The following CHRNB4 variants were observed in gnomAD, a reference collection of about 807,000 sequenced individuals.
The protein encoded by CHRNB4 is neuronal acetylcholine receptor subunit beta-4.
Under a neutral mutation model 40.4 loss-of-function variants are expected in CHRNB4, and 23 were observed. The ratio of observed to expected loss-of-function variants is 0.57; its 90% CI spans 0.41 to 0.81. The LOEUF is 0.81. Among genes scored for constraint, CHRNB4 ranks in the 30% least tolerant of loss-of-function variants. The pLI, the probability that CHRNB4 is intolerant of heterozygous loss-of-function variation, is 0.00. For synonymous variants in CHRNB4, 285 were observed against 274.4 expected (o/e 1.04, Z -0.38); for missense variants, 568 against 670.6 (o/e 0.85, Z 1.69).
chr15:78,625,412 AG>A (rs1387064685), intron 5 of CHRNB4, 121 bp from the exon 6 acceptor site: 7 of 911,420 alleles, frequency 7.7e-6, no homozygotes, highest in African/African-American at 1.7e-5. Context: ...ACTGCATACT[AG>A]GGGGGCAAGT....
At chr15:78,648,753 C>T (rs1470295450) in intron 7 of CHRNB4, among the ~76,000 whole-genome samples, 5 of 79,982 alleles carry the variant, frequency 6.3e-5, no homozygotes, top group East Asian at 3.5e-4. Context: ...GACTCTGTCT[C>T]AAAAAAAAAA....
intron 2 of CHRNB4, among the ~76,000 whole-genome samples, chr15:78,632,201 CTT>C (rs1225057775): frequency 1.2e-5 from 1 of 83,916 alleles, no homozygotes; most frequent in Admixed American, 1.3e-4. Flanking sequence ...TTCTTTCTTT[CTT>C]TCTTTCTTTC....
chr15:78,642,379 C>T (rs2054087645), upstream of CHRNB4, among the ~76,000 whole-genome samples: 1 of 152,164 alleles, frequency 6.6e-6, no homozygotes, highest in Non-Finnish European at 1.5e-5. Context: ...TCTCCATGAA[C>T]CAAAACCAGA....
chr15:78,641,239 C>CT (rs1332692522), upstream of CHRNB4: 5 of 1,084,170 alleles, frequency 4.6e-6, no homozygotes, highest in African/African-American at 8.4e-5. Flanking sequence ...CCGAGGTTTG[C>CT]TGGCGGGGCG....
chr15:78,634,850 C>T (rs945234203), intron 2 of CHRNB4: 5 of 447,278 alleles, frequency 1.1e-5, no homozygotes, highest in African/African-American at 4.0e-5. Context: ...TCCCTCAGCA[C>T]CCCCACCTCT....
At chr15:78,661,435 G>A (rs1273615360), upstream of CHRNB4, 3 of 514,882 alleles carry the variant, frequency 5.8e-6, no homozygotes, top group East Asian at 9.0e-5. Context: ...CAGAGTGACC[G>A]GTTGGTGCGA....
intron 4 of CHRNB4, among the ~76,000 whole-genome samples, 198 bp from the exon 5 acceptor site, chr15:78,630,143 C>CTTT (rs34925790): frequency 7.7e-5 from 11 of 143,196 alleles, no homozygotes; most frequent in South Asian, 2.2e-4. Flanking sequence ...AAGCACCCCC[C>CTTT]TTTTTTTTTT....
At chr15:78,653,218 T>C (rs2054187413) in intron 5 of CHRNB4, among the ~76,000 whole-genome samples, 1 of 152,214 alleles carries the variant, frequency 6.6e-6, no homozygotes, top group Admixed American at 6.5e-5. Context: ...CAGTCATAAC[T>C]AATGATGTGT....
At chr15:78,641,580 A>G (rs1289097442), upstream of CHRNB4, among the ~76,000 whole-genome samples, 1 of 152,188 alleles carries the variant, frequency 6.6e-6, no homozygotes, top group African/African-American at 2.4e-5. Context: ...CAAATGAGTC[A>G]TCTCAGGTTC....
intron 1 of CHRNB4, among the ~76,000 whole-genome samples, chr15:78,658,899 C>T (rs2054233107): frequency 6.6e-6 from 1 of 152,184 alleles, no homozygotes; most frequent in Admixed American, 6.5e-5. Context: ...ATAAACACTG[C>T]TCTGGGCTGA....
chr15:78,647,573 G>A (rs952170203), intron 7 of CHRNB4, among the ~76,000 whole-genome samples: 2 of 151,504 alleles, frequency 1.3e-5, no homozygotes, highest in Non-Finnish European at 2.9e-5. Context: ...TCAGCCGGGT[G>A]CAGTGGCTCA....
intron 2 of CHRNB4, chr15:78,657,435 G>A (rs2054223933): frequency 6.6e-6 from 1 of 152,230 alleles, no homozygotes; most frequent in South Asian, 2.1e-4. Context: ...ATGGATGAGT[G>A]AATGAAGATT....
At chr15:78,649,427 G>A (rs771942444) in exon 7 of CHRNB4, 8 of 454,800 alleles carry the variant, frequency 1.8e-5, no homozygotes, top group Non-Finnish European at 3.5e-5. Flanking sequence ...CCGCCCATCT[G>A]CCAAATCTGG....
In CHRNB4 at chr15:78,624,832, T is replaced by C; in HGVS notation, c.*301A>G. The C allele has an allele frequency of 1.3e-6, 1 of 797,560 alleles. No individual in the cohort carries two copies. Among genetic ancestry groups the C allele is most frequent in the South Asian group, 2.2e-5 (1 of 46,174 alleles). The allele number at this position is 797,560 out of a possible 1,614,324, so 49.4% of individuals were successfully genotyped here. A position where few individuals can be genotyped will look rare whatever the true frequency, so the allele number is the denominator to read the frequency against. On this transcript the variant is annotated 3_prime_UTR_variant, in exon 6 of 6. Transcript: ENST00000261751. The stretch of plus-strand genomic sequence containing the variant: ...GCAGGCCGGCACCATGCCTGAAGCA[T>C]AGTAGGTGCTGCTACGAAGTCATCT...
intron 5 of CHRNB4, 82 bp downstream of exon 5, chr15:78,628,885 T>C: frequency 6.7e-7 from 1 of 1,502,186 alleles, no homozygotes; most frequent in Non-Finnish European, 9.0e-7. Context: ...TCCTATGAAT[T>C]AACTGCAGGA....
At chr15:78,642,665 A>C (rs1596120002), upstream of CHRNB4, among the ~76,000 whole-genome samples, 1 of 152,204 alleles carries the variant, frequency 6.6e-6, no homozygotes, top group East Asian at 1.9e-4. Flanking sequence ...GCCACTGCAG[A>C]GCTGTAAAAG....
intron 4 of CHRNB4, among the ~76,000 whole-genome samples, chr15:78,655,898 T>C (rs563320031): frequency 1.3e-5 from 2 of 152,348 alleles, no homozygotes; most frequent in Admixed American, 6.5e-5. Flanking sequence ...ATTTAGTTCC[T>C]CTTCAATTTC....
At position 78,635,579 on chromosome 15, in the gene CHRNB4, G is replaced by T. The variant is rs71653605; in HGVS notation, c.64C>A (p.Arg22Ser). 8.7e-6 allele frequency: 14 copies of T among 1,613,932 alleles called. No homozygotes were observed. The highest frequency in any genetic ancestry group is 1.1e-5 in the Non-Finnish European group (13 of 1,179,978). Residue 22 changes from arginine (R) to serine (S), a missense_variant, in exon 2 of 6, where the codon CGC (arginine) becomes AGC (serine). By Grantham distance (110) the Arg-to-Ser change is moderately radical. Transcript: ENST00000261751. ...AGCTTTTCCTCCGCATTGGCCACGC[G>T]GCAGTTCCCTGAGAAAACACACAGT... ...LVALCGRGNC[R>S]VANAEEKLMD...
rs894565357 is a variant in CHRNB4, at chr15:78,624,806, G to C, written c.*327C>G. 1 of 604,916 alleles carries C rather than the reference G, an allele frequency of 1.7e-6. No individual in the cohort carries two copies. Among genetic ancestry groups the C allele is most frequent in the Non-Finnish European group, 2.7e-6 (1 of 363,966 alleles). 37.5% of individuals were successfully genotyped at this position (604,916 alleles called of 1,614,324 possible). A position where few individuals can be genotyped will look rare whatever the true frequency, so the allele number is the denominator to read the frequency against. ...AAGTGGAGAGAGATGGTGATGGAGA[G>C]GCAGGCCGGCACCATGCCTGAAGCA... On this transcript the variant is annotated 3_prime_UTR_variant, in exon 6 of 6. Transcript: ENST00000261751.
Sources: gnomAD v4.1 joint callset for allele counts (sites outside exome capture counted in the v4.1 genomes callset) on GRCh38, gnomAD v4.1.1 for gene constraint, MANE v1.5 for transcripts, NCBI Gene and HGNC (gene_info 2026-07-23, HGNC 2026-07-21) for gene names.